The following GSAP variants were observed in gnomAD, a reference collection of about 807,000 sequenced individuals.
GSAP encodes the protein gamma-secretase activating protein, also known as gamma-secretase-activating protein.
A neutral mutation model predicts 131.7 loss-of-function variants in GSAP; 118 were observed. That is an observed-to-expected ratio of 0.90 (90% CI 0.77 to 1.04). The LOEUF is 1.04. Ranked by LOEUF, GSAP falls within the 50% of genes least tolerant of loss-of-function variation. The pLI, the probability that GSAP is intolerant of heterozygous loss-of-function variation, is 0.00. For missense variants in GSAP, 1,019 were observed against 1,013.2 expected (o/e 1.01, Z -0.08); for synonymous variants, 381 against 363.4 (o/e 1.05, Z -0.55).
intron 19 of GSAP, among the ~76,000 whole-genome samples, chr7:77,343,166 C>T (rs1791269011): frequency 1.3e-5 from 2 of 150,658 alleles, no homozygotes; most frequent in Non-Finnish European, 2.9e-5. Context: ...GCCTTCATGT[C>T]TGTGTGTGGC....
chr7:77,369,508 A>G (rs1207252931), intron 12 of GSAP, among the ~76,000 whole-genome samples: 5 of 152,220 alleles, frequency 3.3e-5, no homozygotes, highest in Admixed American at 3.3e-4. Context: ...GAATATAAAA[A>G]GTAATGGTGA....
intron 19 of GSAP, among the ~76,000 whole-genome samples, chr7:77,343,568 G>A (rs139838824): frequency 0.079 from 12,039 of 152,190 alleles, 508 homozygotes; most frequent in Middle Eastern, 0.1. Context: ...CCATCAAAAG[G>A]TGTCAGATCC....
At chr7:77,354,266 T>C (rs1793335711) in intron 16 of GSAP, among the ~76,000 whole-genome samples, 1 of 152,234 alleles carries the variant, frequency 6.6e-6, no homozygotes, top group Admixed American at 6.5e-5. Context: ...AACCGATTTA[T>C]GTTATTGTAC....
chr7:77,361,657 T>A (rs534066063), intron 13 of GSAP, among the ~76,000 whole-genome samples: 5 of 152,174 alleles, frequency 3.3e-5, no homozygotes, highest in African/African-American at 4.8e-5. Flanking sequence ...TCTTTATCTT[T>A]AAAAAAATTT....
intron 3 of GSAP, among the ~76,000 whole-genome samples, chr7:77,402,382 A>T (rs1039410240): frequency 7.8e-6 from 1 of 129,008 alleles, no homozygotes; most frequent in East Asian, 2.1e-4. Flanking sequence ...CATCTCTACT[A>T]AAAAAAAAAA....
intron 5 of GSAP, among the ~76,000 whole-genome samples, chr7:77,392,313 T>C (rs1799693879): frequency 6.6e-6 from 1 of 150,932 alleles, no homozygotes. Context: ...ATTGGGTGGC[T>C]GAGGTGGGCG....
chr7:77,356,542 T>C (rs775099725), intron 14 of GSAP, among the ~76,000 whole-genome samples: 20 of 152,186 alleles, frequency 1.3e-4, no homozygotes, highest in Admixed American at 2.0e-4. Context: ...TGCAGACACA[T>C]TGACACTTTG....
chr7:77,326,144 T>C (rs370119268), intron 23 of GSAP, 68 bp downstream of exon 23: 5 of 995,502 alleles, frequency 5.0e-6, no homozygotes, highest in African/African-American at 3.2e-5. Flanking sequence ...AGAAGCCCAC[T>C]GTAATCCTTT....
At position 77,350,222 on chromosome 7, in the gene GSAP, A is replaced by G. The variant is rs1214931959; in HGVS notation, c.1492-818T>C. The stretch of plus-strand genomic sequence containing the variant: ...CTCACTCATAGATGGGAACTGAACA[A>G]TGAGAACACACGGACACAGGAAGGG... On this transcript the variant is annotated intron_variant, in intron 18 of 30. Transcript: ENST00000257626. Among the ~76,000 whole-genome samples, 7 of 135,728 alleles carry G rather than the reference A, an allele frequency of 5.2e-5. No individual in the cohort carries two copies. In the East Asian group the frequency reaches 1.3e-3, roughly 26 times the overall value. 89.0% of individuals were successfully genotyped at this position (135,728 alleles called of 152,430 possible).
At chr7:77,331,077 G>A (rs1274627318) in intron 19 of GSAP, among the ~76,000 whole-genome samples, 2 of 152,178 alleles carry the variant, frequency 1.3e-5, no homozygotes, top group Non-Finnish European at 2.9e-5. Flanking sequence ...ACTTTGGGAG[G>A]CTGAGGTGGG....
intron 19 of GSAP, among the ~76,000 whole-genome samples, chr7:77,333,575 C>T (rs938157319): frequency 2.0e-5 from 3 of 152,178 alleles, no homozygotes; most frequent in African/African-American, 7.2e-5. Flanking sequence ...TTCAAGTAAT[C>T]CCGGGCACCC....
At chr7:77,312,677 G>A (rs1023789423) in intron 28 of GSAP, among the ~76,000 whole-genome samples, 2 of 152,162 alleles carry the variant, frequency 1.3e-5, no homozygotes, top group Non-Finnish European at 2.9e-5. Flanking sequence ...AATATGCTTT[G>A]TTTTCTATTC....
intron 5 of GSAP, among the ~76,000 whole-genome samples, chr7:77,391,350 C>G (rs1799505085): frequency 6.6e-6 from 1 of 151,896 alleles, no homozygotes; most frequent in Admixed American, 6.6e-5. Context: ...ATAATAAGAG[C>G]CAACCTTTGC....
chr7:77,414,986 T>C (rs1563155024), intron 1 of GSAP, among the ~76,000 whole-genome samples: 1 of 150,934 alleles, frequency 6.6e-6, no homozygotes, highest in Non-Finnish European at 1.5e-5. Flanking sequence ...GCCTCCCGAG[T>C]AGCTGGGATT....
intron 26 of GSAP, among the ~76,000 whole-genome samples, chr7:77,319,588 T>A (rs1374048735): frequency 6.6e-6 from 1 of 152,248 alleles, no homozygotes; most frequent in African/African-American, 2.4e-5. Flanking sequence ...TGAAGAGATA[T>A]GTATATACTC....
intron 3 of GSAP, among the ~76,000 whole-genome samples, chr7:77,403,820 AT>A (rs1404313765): frequency 6.6e-6 from 1 of 152,232 alleles, no homozygotes; most frequent in African/African-American, 2.4e-5. Flanking sequence ...TAGTCCTTGC[AT>A]TTTTTGTTTA....
chr7:77,320,590 C>T, intron 26 of GSAP, 135 bp downstream of exon 26: 1 of 630,070 alleles, frequency 1.6e-6, no homozygotes, highest in Non-Finnish European at 2.8e-6. Context: ...AAGGGCCCAT[C>T]ACTCACAGTA....
chr7:77,374,609 G>C (rs184849494), intron 11 of GSAP, among the ~76,000 whole-genome samples: 3 of 149,528 alleles, frequency 2.0e-5, no homozygotes, highest in Admixed American at 1.3e-4. Context: ...AGTGGGAAAA[G>C]GAAAAAAACC....
intron 5 of GSAP, among the ~76,000 whole-genome samples, chr7:77,390,583 T>C (rs1052239135): frequency 4.6e-5 from 7 of 152,066 alleles, no homozygotes; most frequent in African/African-American, 1.7e-4. Context: ...TTGTCAAAGA[T>C]CAGATAGTTG....
Sources: allele counts gnomAD v4.1 joint callset (sites outside exome capture counted in the v4.1 genomes callset), GRCh38; gene constraint gnomAD v4.1.1; transcripts MANE v1.5; gene names NCBI Gene and HGNC (gene_info 2026-07-23, HGNC 2026-07-21).